GRK4: variants seen among roughly 807,000 people sequenced by gnomAD.
GRK4 encodes the protein G protein-coupled receptor kinase 4.
Under a neutral mutation model 77.9 loss-of-function variants are expected in GRK4, and 73 were observed. The ratio of observed to expected loss-of-function variants is 0.94; its 90% CI spans 0.78 to 1.14. The LOEUF (loss-of-function observed/expected upper bound fraction) is 1.14, where lower values mean the gene tolerates loss of function less well. Among genes scored for constraint, GRK4 ranks in the 50% most tolerant of loss-of-function variants. The pLI, the probability that GRK4 is intolerant of heterozygous loss-of-function variation, is 0.00. For synonymous variants in GRK4, 257 were observed against 254.4 expected, an observed-to-expected ratio of 1.01 and a Z score of -0.10; for missense variants, 729 against 700.2, an observed-to-expected ratio of 1.04 and a Z score of -0.46.
chr4:2,968,256 G>A (rs545016729), intron 1 of GRK4, among the ~76,000 whole-genome samples: 1 of 152,290 alleles, frequency 6.6e-6, no homozygotes, highest in African/African-American at 2.4e-5. Flanking sequence ...CAAATGCAGA[G>A]AGGAATACGT....
At chr4:2,982,407 A>G (rs1037434407) in intron 1 of GRK4, among the ~76,000 whole-genome samples, 13 of 152,258 alleles carry the variant, frequency 8.5e-5, no homozygotes, top group African/African-American at 3.1e-4. Flanking sequence ...TTACTTGAGT[A>G]GTGTAAAGTT....
intron 1 of GRK4, among the ~76,000 whole-genome samples, chr4:2,980,427 G>A (rs1448130540): frequency 3.3e-5 from 5 of 151,952 alleles, no homozygotes; most frequent in African/African-American, 4.8e-5. Flanking sequence ...AAGGGGAAGG[G>A]AAGGAACACT....
At chr4:3,038,338 C>CTCTGCGGCTTCTCTGTCCTGTTAT (rs777690116) in intron 14 of GRK4, 38 bp from the exon 15 acceptor site, 3 of 1,611,962 alleles carry the variant, frequency 1.9e-6, no homozygotes, top group Non-Finnish European at 2.5e-6. Flanking sequence ...CTGGCAGTTT[C>CTCTGCGGCTTCTCTGTCCTGTTAT]TCTGCGGCTT....
chr4:3,009,994 C>T (rs370570892), intron 7 of GRK4, among the ~76,000 whole-genome samples: 4 of 152,176 alleles, frequency 2.6e-5, no homozygotes, highest in South Asian at 2.1e-4. Context: ...GATGGAAAGA[C>T]GATTCTGTTT....
chr4:2,998,783 C>A (rs761402765), intron 4 of GRK4, among the ~76,000 whole-genome samples: 8 of 152,074 alleles, frequency 5.3e-5, no homozygotes, highest in Admixed American at 2.6e-4. Context: ...TGGCAGTACT[C>A]CCCAAATTGA....
intron 7 of GRK4, among the ~76,000 whole-genome samples, chr4:3,010,376 G>A (rs1017019904): frequency 9.9e-5 from 15 of 152,032 alleles, no homozygotes; most frequent in African/African-American, 2.7e-4. Context: ...ACAGGCATGC[G>A]CCACCACACC....
chr4:3,035,263 A>G, intron 12 of GRK4, 123 bp from the exon 13 acceptor site: 2 of 999,880 alleles, frequency 2.0e-6, no homozygotes, highest in South Asian at 2.7e-5. Context: ...AAAAAAAAAG[A>G]AATGATTTGT....
At chr4:3,013,075 A>C (rs560753682) in intron 7 of GRK4, among the ~76,000 whole-genome samples, 1 of 151,292 alleles carries the variant, frequency 6.6e-6, no homozygotes, top group African/African-American at 2.4e-5. Flanking sequence ...ACGGAGTCTC[A>C]CTCTGTCGCC....
intron 5 of GRK4, among the ~76,000 whole-genome samples, chr4:3,005,398 G>C (rs1007876833): frequency 6.6e-6 from 1 of 151,890 alleles, no homozygotes; most frequent in Non-Finnish European, 1.5e-5. Flanking sequence ...ATGAGCCGGC[G>C]AGGCCGTTGC....
intron 4 of GRK4, among the ~76,000 whole-genome samples, chr4:2,999,437 A>G (rs1043057496): frequency 2.0e-5 from 3 of 152,228 alleles, no homozygotes; most frequent in Non-Finnish European, 4.4e-5. Flanking sequence ...TAAGCTACCA[A>G]CACATGAACT....
chr4:2,992,889 T>TG (rs1485268498), intron 4 of GRK4, among the ~76,000 whole-genome samples: 1 of 151,868 alleles, frequency 6.6e-6, no homozygotes, highest in Non-Finnish European at 1.5e-5. Context: ...GAGGCTCAGG[T>TG]GGGAGGACTG....
chr4:2,979,224 CA>C (rs1285727940), intron 1 of GRK4, among the ~76,000 whole-genome samples: 216 of 122,794 alleles, frequency 1.8e-3, no homozygotes, highest in African/African-American at 5.7e-3. Context: ...GACTCCGTCT[CA>C]AAAAAAAAAA....
chr4:3,004,118 A>G (rs1560431301), intron 4 of GRK4, 113 bp from the exon 5 acceptor site: 2 of 802,684 alleles, frequency 2.5e-6, no homozygotes, highest in Admixed American at 2.1e-5. Flanking sequence ...TGGCACTTTG[A>G]CTTTCATTTT....
chr4:3,029,436 A>T (rs1301798670), intron 12 of GRK4, 27 bp downstream of exon 12: 1 of 1,573,208 alleles, frequency 6.4e-7, no homozygotes, highest in South Asian at 1.1e-5. Context: ...AGAGGCTGGG[A>T]AATGGCACTT....
At chr4:2,968,374 A>G (rs1185162901) in intron 1 of GRK4, among the ~76,000 whole-genome samples, 2 of 152,172 alleles carry the variant, frequency 1.3e-5, no homozygotes, top group Non-Finnish European at 2.9e-5. Context: ...CATGGTTAAT[A>G]TACCTGTTAT....
chr4:3,014,768 G>GC (rs1733972518), intron 8 of GRK4, among the ~76,000 whole-genome samples: 1 of 152,098 alleles, frequency 6.6e-6, no homozygotes, highest in Non-Finnish European at 1.5e-5. Context: ...CCGCACTCCA[G>GC]CCTGGGCAAC....
intron 15 of GRK4, among the ~76,000 whole-genome samples, chr4:3,039,929 T>TG (rs941611010): frequency 3.9e-5 from 6 of 152,082 alleles, no homozygotes; most frequent in Non-Finnish European, 8.8e-5. Flanking sequence ...TCCCACGTTT[T>TG]GGGGAAAACC....
chr4:2,970,691 G>C (rs1719273573), intron 1 of GRK4, among the ~76,000 whole-genome samples: 1 of 151,060 alleles, frequency 6.6e-6, no homozygotes, highest in African/African-American at 2.4e-5. Flanking sequence ...TTTTTGGGGG[G>C]GTCAGTCTCG....
At chr4:3,003,211 A>T (rs1274193233) in intron 4 of GRK4, among the ~76,000 whole-genome samples, 1 of 152,110 alleles carries the variant, frequency 6.6e-6, no homozygotes, top group Non-Finnish European at 1.5e-5. Flanking sequence ...TATTTTTGAG[A>T]TGGAGTTTCG....
Sources: allele counts gnomAD v4.1 joint callset (sites outside exome capture counted in the v4.1 genomes callset), GRCh38; gene constraint gnomAD v4.1.1; transcripts MANE v1.5; gene names NCBI Gene and HGNC (gene_info 2026-07-23, HGNC 2026-07-21).